MINDY3: variants seen among roughly 807,000 people sequenced by gnomAD.
MINDY3 encodes the protein MINDY lysine 48 deubiquitinase 3, also known as ubiquitin carboxyl-terminal hydrolase MINDY-3.
In MINDY3, 38 loss-of-function variants were observed where a neutral mutation model predicts 69.2. The observed-to-expected ratio is 0.55, with a 90% confidence interval of 0.42 to 0.72. The LOEUF (loss-of-function observed/expected upper bound fraction) is 0.72, where lower values mean the gene tolerates loss of function less well. Among genes scored for constraint, MINDY3 ranks in the 30% least tolerant of loss-of-function variants. The pLI, the probability that MINDY3 is intolerant of heterozygous loss-of-function variation, is 0.00. For missense variants in MINDY3, 522 were observed against 519.0 expected, an observed-to-expected ratio of 1.01 and a Z score of -0.06; for synonymous variants, 192 against 180.1, an observed-to-expected ratio of 1.07 and a Z score of -0.53.
In MINDY3 at chr10:15,860,485, A is replaced by G. The variant is rs944543389; in HGVS notation, c.-186T>C. The G allele has an allele frequency of 3.3e-6, 2 of 610,272 alleles. No individual in the cohort carries two copies. Among genetic ancestry groups the G allele is most frequent in the Non-Finnish European group, 2.9e-6 (1 of 347,274 alleles). 37.8% of individuals were successfully genotyped at this position (610,272 alleles called of 1,614,324 possible). ...GCCTGTCAAGCCAGGTTGGGGCAGCAGCGAGTTTTCCGTACCGGAAGTGCT... is the reference window on the plus strand; with the variant it reads ...GCCTGTCAAGCCAGGTTGGGGCAGCGGCGAGTTTTCCGTACCGGAAGTGCT... On this transcript the variant is annotated 5_prime_UTR_variant, in exon 1 of 15. Transcript: ENST00000277632.
intron 8 of MINDY3, among the ~76,000 whole-genome samples, chr10:15,825,850 A>C (rs1028395334): frequency 2.0e-5 from 3 of 152,146 alleles, no homozygotes; most frequent in African/African-American, 2.4e-5. Context: ...ATTTCTTTTT[A>C]TAAAAACAAA....
intron 9 of MINDY3, among the ~76,000 whole-genome samples, chr10:15,819,863 C>T (rs1479039526): frequency 2.0e-5 from 3 of 152,178 alleles, no homozygotes; most frequent in African/African-American, 7.2e-5. Flanking sequence ...ATTGACTTCC[C>T]ACTAAGATCT....
chr10:15,818,476 T>C (rs147573204), intron 9 of MINDY3, among the ~76,000 whole-genome samples: 1 of 152,222 alleles, frequency 6.6e-6, no homozygotes, highest in East Asian at 1.9e-4. Flanking sequence ...AAAATAGAAT[T>C]ACTGTATGAC....
intron 10 of MINDY3, among the ~76,000 whole-genome samples, chr10:15,803,393 C>T (rs1429053241): frequency 1.3e-5 from 2 of 152,016 alleles, no homozygotes; most frequent in Admixed American, 6.6e-5. Context: ...GTTTGAAGAG[C>T]AAGTATAGAA....
Position 15,842,904 on chromosome 10 carries a change from C to CAA in MINDY3, c.235+306_235+307dup, listed in dbSNP as rs370464190. On this transcript the variant is annotated intron_variant, in intron 3 of 14. Transcript: ENST00000277632. ...TCTTGCCCACAGCTAAATAAGACTA[C>CAA]AAAAAAAAAAAAAAAAAAAAGACTG... Among the ~76,000 whole-genome samples the CAA allele has an allele frequency of 2.1e-3, 146 of 68,176 alleles. 1 individual carries two copies. The highest frequency in any genetic ancestry group is 9.5e-3 in the South Asian group (25 of 2,638). The allele number at this position is 68,176 out of a possible 152,430, so 44.7% of individuals were successfully genotyped here.
At chr10:15,827,748 G>A (rs1390623186) in intron 8 of MINDY3, among the ~76,000 whole-genome samples, 1 of 152,046 alleles carries the variant, frequency 6.6e-6, no homozygotes, top group African/African-American at 2.4e-5. Context: ...CAAAAAGATG[G>A]GAAGAGGTAA....
rs2132172682 is a variant in MINDY3 at position 15,860,465 on chromosome 10, T to C, written c.-166A>G. ...GAGCCACTTGCAGAGACCAAGCCTG[T>C]CAAGCCAGGTTGGGGCAGCAGCGAG... On this transcript the variant is annotated 5_prime_UTR_variant, in exon 1 of 15. Coordinates refer to ENST00000277632, the MANE Select transcript of MINDY3 (RefSeq NM_024948.4). 1.6e-6 allele frequency: 1 copy of C among 643,958 alleles called. No individual in the cohort carries two copies. Among genetic ancestry groups the C allele is most frequent in the Non-Finnish European group, 2.7e-6 (1 of 365,666 alleles). 39.9% of individuals were successfully genotyped at this position (643,958 alleles called of 1,614,324 possible).
chr10:15,813,592 T>G (rs889213336), intron 10 of MINDY3, among the ~76,000 whole-genome samples: 5 of 152,128 alleles, frequency 3.3e-5, no homozygotes, highest in Non-Finnish European at 5.9e-5. Flanking sequence ...CCATATCTAT[T>G]TTTGCTCACC....
chr10:15,847,329 A>G (rs2132114395), intron 2 of MINDY3, among the ~76,000 whole-genome samples: 1 of 152,356 alleles, frequency 6.6e-6, no homozygotes, highest in Non-Finnish European at 1.5e-5. Context: ...TTGTGCAAAG[A>G]AAAAACATTT....
rs543616801 is a variant in MINDY3, at chr10:15,856,004, T to C, written c.94+4202A>G. On this transcript the variant is annotated intron_variant, in intron 1 of 14. Coordinates refer to ENST00000277632, the MANE Select transcript of MINDY3 (RefSeq NM_024948.4). ...CTTACCAATTACGAATTAAGAAATATTGGTTGTTAGGCAAATTATAATTTA... is the reference window on the plus strand; with the variant it reads ...CTTACCAATTACGAATTAAGAAATACTGGTTGTTAGGCAAATTATAATTTA... Among the ~76,000 whole-genome samples the C allele has an allele frequency of 7.2e-5, 11 of 152,244 alleles. No homozygotes were observed. In the East Asian group the frequency reaches 2.1e-3, roughly 29 times the overall value.
Position 15,796,084 on chromosome 10 carries a change from T to A in MINDY3, c.955+16A>T. 6.3e-7 allele frequency: 1 copy of A among 1,595,196 alleles called. No individual in the cohort carries two copies. The highest frequency in any genetic ancestry group is 1.1e-5 in the South Asian group (1 of 90,560). On this transcript the variant is annotated intron_variant, in intron 11 of 14. Transcript: ENST00000277632. ...ATGAAGACATAAAACACAGAGATGA[T>A]GTTAAAATCTTTTACCTTCTGGGTC...
At chr10:15,843,763 A>C (rs1458671651) in intron 2 of MINDY3, among the ~76,000 whole-genome samples, 1 of 152,138 alleles carries the variant, frequency 6.6e-6, no homozygotes. Flanking sequence ...AAAAAGGTAC[A>C]AGATTCAGAA....
chr10:15,783,779 C>T (rs1326886839), intron 13 of MINDY3, among the ~76,000 whole-genome samples: 1 of 152,152 alleles, frequency 6.6e-6, no homozygotes, highest in Non-Finnish European at 1.5e-5. Context: ...TCCTTAATTA[C>T]AGGAGTCATT....
intron 10 of MINDY3, among the ~76,000 whole-genome samples, chr10:15,796,459 C>A (rs1837836889): frequency 6.7e-6 from 1 of 148,464 alleles, no homozygotes. Flanking sequence ...CAGGTAGTTA[C>A]TATAAAAATG....
At chr10:15,788,494 T>C (rs540564989) in intron 12 of MINDY3, among the ~76,000 whole-genome samples, 80 of 152,142 alleles carry the variant, frequency 5.3e-4, no homozygotes, top group Non-Finnish European at 1.1e-3. Flanking sequence ...AACTCTTTCA[T>C]TATGTTTGAT....
chr10:15,837,396 T>C, intron 5 of MINDY3, 78 bp from the exon 6 acceptor site: 1 of 1,264,442 alleles, frequency 7.9e-7, no homozygotes, highest in Non-Finnish European at 1.1e-6. Context: ...TTTTAAATTT[T>C]CTTATACATT....
chr10:15,801,679 C>T (rs746870713), intron 10 of MINDY3, among the ~76,000 whole-genome samples: 6 of 151,882 alleles, frequency 4.0e-5, no homozygotes, highest in Non-Finnish European at 5.9e-5. Flanking sequence ...TAAAGAGAAC[C>T]GCAACAGCAA....
intron 1 of MINDY3, among the ~76,000 whole-genome samples, chr10:15,859,482 G>T (rs1420530780): frequency 6.6e-6 from 1 of 152,066 alleles, no homozygotes; most frequent in Non-Finnish European, 1.5e-5. Flanking sequence ...CGCCCAGCCT[G>T]TTACAGTGCA....
At chr10:15,798,414 A>AAAAAG (rs1459806875) in intron 10 of MINDY3, among the ~76,000 whole-genome samples, 1 of 151,972 alleles carries the variant, frequency 6.6e-6, no homozygotes, top group Non-Finnish European at 1.5e-5. Context: ...TCAGGAGTGT[A>AAAAAG]AAAAGAATTT....
Sources: gnomAD v4.1 joint callset for allele counts (sites outside exome capture counted in the v4.1 genomes callset) on GRCh38, gnomAD v4.1.1 for gene constraint, MANE v1.5 for transcripts, NCBI Gene and HGNC (gene_info 2026-07-23, HGNC 2026-07-21) for gene names.